Variants in PCDHGA12 observed in about 807,000 individuals in gnomAD.
PCDHGA12 encodes the protein protocadherin gamma subfamily A, 12.
A neutral mutation model predicts 61.1 loss-of-function variants in PCDHGA12; 43 were observed. The ratio of observed to expected loss-of-function variants is 0.70; its 90% confidence interval spans 0.55 to 0.91. The LOEUF (loss-of-function observed/expected upper bound fraction) is 0.91. Ranked by LOEUF, PCDHGA12 falls within the 40% of genes least tolerant of loss-of-function variation. The pLI is 0.00. For missense variants in PCDHGA12, 1,236 were observed against 1,227.7 expected, an observed-to-expected ratio of 1.01 and a Z score of -0.10; for synonymous variants, 520 against 542.9, an observed-to-expected ratio of 0.96 and a Z score of 0.59.
chr5:141,492,064 C>T (rs1562152072), intron 1 of PCDHGA12: 3 of 484,366 alleles, frequency 6.2e-6, no homozygotes, highest in Non-Finnish European at 1.1e-5. Context: ...AGCCAGCCTC[C>T]TAGGCGCCGG....
chr5:141,476,772 G>A lies in PCDHGA12; in HGVS notation c.2425-18035G>A. 1 of 1,613,650 alleles carries A rather than the reference G, an allele frequency of 6.2e-7. No homozygotes were observed. Among genetic ancestry groups the A allele is most frequent in the South Asian group, 1.1e-5 (1 of 91,086 alleles). ...CAGTTAGTGCTGACGGCGTTGGACG[G>A]AGGGACCCCAGCTCTCTCCGCCAGC... is the stretch of plus-strand genomic sequence containing the variant. On this transcript the variant is annotated intron_variant, in intron 1 of 3. Coordinates refer to ENST00000252085, the MANE Select transcript of PCDHGA12 (RefSeq NM_003735.3). The surrounding 1 kb of genome is among the most constrained non-coding windows in gnomAD (Gnocchi z 7.6).
chr5:141,448,894 G>A (rs2098614669), intron 1 of PCDHGA12, among the ~76,000 whole-genome samples: 2 of 152,098 alleles, frequency 1.3e-5, no homozygotes, highest in South Asian at 4.1e-4. Context: ...GCAGTGAGCC[G>A]AGATCGTGCC....
At chr5:141,441,916 C>T (rs1340767725) in intron 1 of PCDHGA12, 9 of 352,248 alleles carry the variant, frequency 2.6e-5, no homozygotes, top group Non-Finnish European at 4.9e-5. Context: ...AGATGTGAGA[C>T]ACAATGCGTG....
chr5:141,499,457 T>G (rs1000400491), intron 2 of PCDHGA12, among the ~76,000 whole-genome samples: 1 of 152,214 alleles, frequency 6.6e-6, no homozygotes, highest in African/African-American at 2.4e-5. Context: ...CCCATCATTT[T>G]ACAATCTAGG....
At chr5:141,466,508 T>C (rs2099123841) in intron 1 of PCDHGA12, among the ~76,000 whole-genome samples, 1 of 152,190 alleles carries the variant, frequency 6.6e-6, no homozygotes, top group African/African-American at 2.4e-5. Context: ...ACAGACAAGA[T>C]CATTTTTTTT....
In PCDHGA12 at chr5:141,431,538, AGCTGCTTGTAGTCAAC is replaced by A; in HGVS notation, c.783_798del (p.Leu262ProfsTer11). 2 of 1,614,114 alleles carry A rather than the reference AGCTGCTTGTAGTCAAC, an allele frequency of 1.2e-6. No homozygotes were observed. Among genetic ancestry groups the A allele is most frequent in the Non-Finnish European group, 1.7e-6 (2 of 1,180,024 alleles). ...CCGGAGAATCTGGCCTTGGGCACGC[AGCTGCTTGTAGTCAAC>A]GCTACCGACCCTGACGAAGGAGTCA... On this transcript the variant is annotated frameshift_variant, in exon 1 of 4. Coordinates refer to ENST00000252085, the MANE Select transcript of PCDHGA12 (RefSeq NM_003735.3). LOFTEE classifies it high-confidence loss of function. This position sits in a 1 kb window ranked among gnomAD's most constrained non-coding sequence, Gnocchi z 4.8.
At chr5:141,506,252 C>T (rs1158047426) in intron 3 of PCDHGA12, among the ~76,000 whole-genome samples, 1 of 151,968 alleles carries the variant, frequency 6.6e-6, no homozygotes, top group African/African-American at 2.4e-5. Flanking sequence ...AGTTCGAAAC[C>T]GGCCTGGCCA....
Position 141,431,599 on chromosome 5 carries a change from C to T in PCDHGA12, c.840C>T (p.Ser280=). The change falls in exon 1 of 4, where the codon TCC becomes TCT. Residue 280 remains serine (S), a synonymous_variant. Transcript: ENST00000252085. The surrounding 1 kb of genome is among the most constrained non-coding windows in gnomAD (Gnocchi z 4.8). ...GAGTCAATGCGGAAGTGAGGTATTC[C>T]TTCCGGTATGTGGACGACAAGGCGG... ...DEGVNAEVRY[S]FRYVDDKAAQ... 1 of 1,614,194 alleles carries T rather than the reference C, an allele frequency of 6.2e-7. No individual in the cohort carries two copies. The highest frequency in any genetic ancestry group is 8.5e-7 in the Non-Finnish European group (1 of 1,180,034).
At chr5:141,465,779 G>A (rs1199779963) in intron 1 of PCDHGA12, among the ~76,000 whole-genome samples, 2 of 145,170 alleles carry the variant, frequency 1.4e-5, no homozygotes, top group African/African-American at 5.0e-5. Flanking sequence ...TCTTGTTACA[G>A]TTTTTTTTTT....
At chr5:141,447,657 C>A (rs997179275) in intron 1 of PCDHGA12, among the ~76,000 whole-genome samples, 4 of 152,088 alleles carry the variant, frequency 2.6e-5, no homozygotes, top group Non-Finnish European at 4.4e-5. Context: ...TTTTCCCCCC[C>A]AGGAAGTTAG....
chr5:141,433,742 C>G (rs927651405), intron 1 of PCDHGA12, among the ~76,000 whole-genome samples: 1 of 150,826 alleles, frequency 6.6e-6, no homozygotes, highest in Non-Finnish European at 1.5e-5. Flanking sequence ...GAGGCTGAGT[C>G]AGGAGAATTG....
intron 1 of PCDHGA12, chr5:141,478,197 T>G (rs2099437910): frequency 6.2e-7 from 1 of 1,613,956 alleles, no homozygotes; most frequent in Admixed American, 1.7e-5. Context: ...ACCTTTTATC[T>G]ACTTCTTTCT....
intron 1 of PCDHGA12, among the ~76,000 whole-genome samples, chr5:141,460,753 A>ATATACATATTGCATATGTATG (rs1435827019): frequency 4.6e-5 from 7 of 152,094 alleles, no homozygotes; most frequent in Non-Finnish European, 1.0e-4. Flanking sequence ...ATATGTGTAC[A>ATATACATATTGCATATGTATG]TATACATATT....
rs151119016 is a variant in PCDHGA12, at chr5:141,489,949, G to C, written c.2425-4858G>C. On this transcript the variant is annotated intron_variant, in intron 1 of 3. Transcript: ENST00000252085. The surrounding 1 kb of genome is among the most constrained non-coding windows in gnomAD (Gnocchi z 4.5). ...CTCTGTCATCGTGCTGGACATCAAT[G>C]ATAATGCTCCAACCTTCCAATCCTC... is the stretch of plus-strand genomic sequence containing the variant. 1 of 1,614,198 alleles carries C rather than the reference G, an allele frequency of 6.2e-7. No individual in the cohort carries two copies. Among genetic ancestry groups the C allele is most frequent in the Non-Finnish European group, 8.5e-7 (1 of 1,180,028 alleles).
At position 141,486,543 on chromosome 5, in the gene PCDHGA12, A is replaced by G; in HGVS notation, c.2425-8264A>G. Reference sequence around the variant, plus strand: ...AATGATAATCCACCCTCTTTCTTTCAGAGGTCACATGAGGTGTTTGTTCCT... The same window carrying G: ...AATGATAATCCACCCTCTTTCTTTCGGAGGTCACATGAGGTGTTTGTTCCT... On this transcript the variant is annotated intron_variant, in intron 1 of 3. Transcript: ENST00000252085. This position sits in a 1 kb window ranked among gnomAD's most constrained non-coding sequence, Gnocchi z 5.0. 6.2e-7 allele frequency: 1 copy of G among 1,614,080 alleles called. No individual in the cohort carries two copies. Among genetic ancestry groups the G allele is most frequent in the Non-Finnish European group, 8.5e-7 (1 of 1,180,020 alleles).
chr5:141,455,104 G>T (rs2098813087), intron 1 of PCDHGA12, among the ~76,000 whole-genome samples: 1 of 151,780 alleles, frequency 6.6e-6, no homozygotes, highest in Non-Finnish European at 1.5e-5. Flanking sequence ...GAGCCACTGC[G>T]CCCGGTGGGT....
At chr5:141,479,982 C>T (rs368461965) in intron 1 of PCDHGA12, among the ~76,000 whole-genome samples, 1 of 152,192 alleles carries the variant, frequency 6.6e-6, no homozygotes, top group South Asian at 2.1e-4. Flanking sequence ...CTACCATTTA[C>T]CAACTAGGAG....
At position 141,511,246 on chromosome 5, in the gene PCDHGA12, G is replaced by A; in HGVS notation, c.*73G>A. 2 of 1,578,734 alleles carry A rather than the reference G, an allele frequency of 1.3e-6. No homozygotes were observed. Among genetic ancestry groups the A allele is most frequent in the Non-Finnish European group, 1.7e-6 (2 of 1,162,472 alleles). On this transcript the variant is annotated 3_prime_UTR_variant, in exon 4 of 4. Coordinates refer to ENST00000252085, the MANE Select transcript of PCDHGA12 (RefSeq NM_003735.3). The stretch of plus-strand genomic sequence containing the variant: ...CCAGCTTCTCCTTACCTGCACCCAG[G>A]CCTCAGAGTTTCAGGGCTAACCCCC...
At chr5:141,434,695 AAT>A (rs1228504579) in intron 1 of PCDHGA12, among the ~76,000 whole-genome samples, 7 of 152,212 alleles carry the variant, frequency 4.6e-5, no homozygotes, top group Non-Finnish European at 8.8e-5. Flanking sequence ...GCTGTTAATA[AAT>A]ATGTGGGTAA....
Sources: allele counts gnomAD v4.1 joint callset (sites outside exome capture counted in the v4.1 genomes callset), GRCh38; gene constraint gnomAD v4.1.1; non-coding constraint Gnocchi (gnomAD v3.1); transcripts MANE v1.5; gene names NCBI Gene and HGNC (gene_info 2026-07-23, HGNC 2026-07-21).